The following CNTLN variants were observed in gnomAD, a reference collection of about 807,000 sequenced individuals.
CNTLN encodes the protein centlein, centrosomal protein.
CNTLN carries 212 observed loss-of-function variants against 180.0 expected under a neutral mutation model. That is an observed-to-expected ratio of 1.18 (90% CI 1.05 to 1.32). CNTLN has a LOEUF of 1.32. CNTLN is among the 40% of genes most tolerant of loss of function. CNTLN has a pLI of 0.00. For synonymous variants in CNTLN, 722 were observed against 563.1 expected (o/e 1.28, Z -3.99); for missense variants, 2,095 against 1,610.9 (o/e 1.30, Z -5.14).
At chr9:17,376,678 C>A (rs1041986228) in intron 13 of CNTLN, among the ~76,000 whole-genome samples, 1 of 152,070 alleles carries the variant, frequency 6.6e-6, no homozygotes, top group Non-Finnish European at 1.5e-5. Flanking sequence ...GTCTCGATCT[C>A]CTGACCTCGT....
At chr9:17,463,144 TG>T in intron 20 of CNTLN, 131 bp downstream of exon 20, 1 of 545,670 alleles carries the variant, frequency 1.8e-6, no homozygotes, top group Non-Finnish European at 3.3e-6. Flanking sequence ...CTACCTAAGA[TG>T]AAAGTTTAAG....
At chr9:17,522,164 T>C in the CNTLN span, among the ~76,000 whole-genome samples, 6 of 152,116 alleles carry the variant, frequency 3.9e-5, no homozygotes, top group African/African-American at 1.4e-4. Flanking sequence ...TTTTTAAGGA[T>C]TAAGGAGGTA....
intron 12 of CNTLN, among the ~76,000 whole-genome samples, chr9:17,359,741 A>AAACCAAAAAAAAAAAAAAAAAC (rs1564027363): frequency 5.7e-5 from 7 of 122,662 alleles, no homozygotes; most frequent in Non-Finnish European, 1.2e-4. Flanking sequence ...AAAAAAAAAA[A>AAACCAAAAAAAAAAAAAAAAAC]AAAAAAAAAC....
chr9:17,450,172 A>G (rs914723457), intron 18 of CNTLN, among the ~76,000 whole-genome samples: 1 of 152,226 alleles, frequency 6.6e-6, no homozygotes, highest in African/African-American at 2.4e-5. Flanking sequence ...TTTCAGACCC[A>G]TAAAAAAACT....
chr9:17,371,205 A>G (rs962092956), intron 13 of CNTLN, among the ~76,000 whole-genome samples: 1 of 152,152 alleles, frequency 6.6e-6, no homozygotes, highest in African/African-American at 2.4e-5. Flanking sequence ...TAAAAATCAG[A>G]GCCACTCTCT....
At chr9:17,461,533 G>A (rs1015253902) in intron 19 of CNTLN, among the ~76,000 whole-genome samples, 1 of 151,650 alleles carries the variant, frequency 6.6e-6, no homozygotes, top group African/African-American at 2.4e-5. Context: ...TATTTCAAAT[G>A]TTTTATTTGT....
intron 12 of CNTLN, among the ~76,000 whole-genome samples, chr9:17,364,365 A>G (rs1410799426): frequency 6.6e-6 from 1 of 151,496 alleles, no homozygotes; most frequent in East Asian, 1.9e-4. Flanking sequence ...AGCTTTTTCT[A>G]CTTGCTATTG....
intron 1 of CNTLN, among the ~76,000 whole-genome samples, chr9:17,136,403 C>T (rs867942190): frequency 2.0e-5 from 3 of 152,198 alleles, no homozygotes; most frequent in South Asian, 2.1e-4. Context: ...AGTCTCAGCT[C>T]ACTGCAAGCT....
At position 17,394,944 on chromosome 9, in the gene CNTLN, T is replaced by G; in HGVS notation, c.2490T>G (p.Phe830Leu). The change falls in exon 15 of 26, where the codon TTT becomes TTG. Residue 830 changes from phenylalanine to leucine, a missense_variant. Phe to Leu is a conservative substitution (Grantham distance 22). Transcript: ENST00000380647. ...DCKTTMTKVK[F>L]KAAKKNCSVG... ...AGACAACTATGACCAAGGTTAAATT[T>G]AAAGCTGCGAAGAAAAATTGCTCTG... 1 of 1,614,070 alleles carries G rather than the reference T, an allele frequency of 6.2e-7. No homozygotes were observed. The highest frequency in any genetic ancestry group is 8.5e-7 in the Non-Finnish European group (1 of 1,179,970).
chr9:17,299,664 T>C, intron 7 of CNTLN: 2 of 984,006 alleles, frequency 2.0e-6, no homozygotes, highest in South Asian at 4.7e-5. Flanking sequence ...CTTTTTGTTT[T>C]ATGGGGTGAC....
intron 6 of CNTLN, among the ~76,000 whole-genome samples, chr9:17,292,254 C>G (rs568428583): frequency 1.3e-5 from 2 of 151,948 alleles, no homozygotes; most frequent in East Asian, 3.9e-4. Context: ...TCATTTTGAC[C>G]TTGGTGAATT....
At chr9:17,457,342 A>G (rs1831187411) in intron 18 of CNTLN, among the ~76,000 whole-genome samples, 182 bp from the exon 19 acceptor site, 1 of 152,140 alleles carries the variant, frequency 6.6e-6, no homozygotes, top group African/African-American at 2.4e-5. Flanking sequence ...TTTGCAAGCC[A>G]TACTACTATA....
chr9:17,477,668 G>T (rs1292174066), intron 23 of CNTLN, among the ~76,000 whole-genome samples: 2 of 152,196 alleles, frequency 1.3e-5, no homozygotes, highest in Non-Finnish European at 2.9e-5. Context: ...ATATGTGACT[G>T]AATTGCTGCA....
At chr9:17,142,008 G>C (rs2131427082) in intron 1 of CNTLN, among the ~76,000 whole-genome samples, 1 of 151,384 alleles carries the variant, frequency 6.6e-6, no homozygotes, top group Non-Finnish European at 1.5e-5. Context: ...CTTGAACCTG[G>C]GAGGCAGAGG....
chr9:17,305,518 ACT>A (rs1818645475), intron 7 of CNTLN, among the ~76,000 whole-genome samples: 1 of 114,070 alleles, frequency 8.8e-6, no homozygotes, highest in Non-Finnish European at 1.7e-5. Flanking sequence ...TCACTTGAGC[ACT>A]GTTTTTTTTT....
At position 17,143,330 on chromosome 9, in the gene CNTLN, G is replaced by A. The variant is rs1036781596; in HGVS notation, c.403G>A (p.Val135Ile). Residue 135 changes from valine (V) to isoleucine (I), a missense_variant, in exon 2 of 26, where the codon GTT (valine) becomes ATT (isoleucine). Val to Ile is a conservative substitution (Grantham distance 29, BLOSUM62 3). Coordinates refer to ENST00000380647, the MANE Select transcript of CNTLN (RefSeq NM_017738.4). ...ATGGTCTTTGTGGAAACGTCTCCAGGTTACAAACCCAGATCTCACACAAGT... is the reference window on the plus strand; with the variant it reads ...ATGGTCTTTGTGGAAACGTCTCCAGATTACAAACCCAGATCTCACACAAGT... ...FVWSLWKRLQ[V>I]TNPDLTQVVS... is the part of the protein sequence containing the mutation. The A allele has an allele frequency of 3.7e-6, 6 of 1,613,556 alleles. No homozygotes were observed. In the African/African-American group the frequency reaches 6.7e-5, roughly 18 times the overall value.
At chr9:17,230,259 G>C (rs1032209612) in intron 3 of CNTLN, among the ~76,000 whole-genome samples, 24 of 152,152 alleles carry the variant, frequency 1.6e-4, no homozygotes, top group African/African-American at 5.8e-4. Context: ...CTCAAGTAGG[G>C]TTGTGTTTAC....
chr9:17,266,143 T>C (rs1419752445), intron 5 of CNTLN, among the ~76,000 whole-genome samples: 1 of 105,510 alleles, frequency 9.5e-6, no homozygotes, highest in Non-Finnish European at 1.8e-5. Flanking sequence ...GGTGTCAGTT[T>C]TGGATCTTCC....
chr9:17,343,723 T>G (rs1821661177), intron 12 of CNTLN, among the ~76,000 whole-genome samples: 1 of 152,162 alleles, frequency 6.6e-6, no homozygotes, highest in Non-Finnish European at 1.5e-5. Flanking sequence ...TATAATTCAC[T>G]GGTATATTCA....
Sources: gnomAD v4.1 joint callset for allele counts (sites outside exome capture counted in the v4.1 genomes callset) on GRCh38, gnomAD v4.1.1 for gene constraint, MANE v1.5 for transcripts, NCBI Gene and HGNC (gene_info 2026-07-23, HGNC 2026-07-21) for gene names.